DLG2: variants seen among roughly 807,000 people sequenced by gnomAD.
DLG2 encodes disks large homolog 2.
In DLG2, 45 loss-of-function variants were observed where a neutral mutation model predicts 132.5. That is an observed-to-expected ratio of 0.34 (90% CI 0.27 to 0.44). The LOEUF (loss-of-function observed/expected upper bound fraction) is 0.44, where lower values mean the gene tolerates loss of function less well. Among genes scored for constraint, DLG2 ranks in the 20% least tolerant of loss-of-function variants. The pLI is 1.00. For missense variants in DLG2, 1,045 were observed against 1,196.9 expected (o/e 0.87, Z 1.87); for synonymous variants, 424 against 419.6 (o/e 1.01, Z -0.13).
chr11:84,819,463 C>T (rs1007091688), intron 6 of DLG2, among the ~76,000 whole-genome samples: 12 of 151,828 alleles, frequency 7.9e-5, no homozygotes, highest in African/African-American at 2.7e-4. Context: ...GAGATTCTAA[C>T]ATCACTCTCT....
chr11:83,787,995 A>G (rs1387540257), intron 17 of DLG2, among the ~76,000 whole-genome samples: 3 of 152,338 alleles, frequency 2.0e-5, no homozygotes, highest in Admixed American at 6.5e-5. Context: ...TGATGAACAC[A>G]CAGTAAGTAT....
intron 3 of DLG2, among the ~76,000 whole-genome samples, chr11:85,531,668 C>T (rs1270378236): frequency 6.6e-6 from 1 of 152,010 alleles, no homozygotes; most frequent in Non-Finnish European, 1.5e-5. Flanking sequence ...GAGAAGTGGG[C>T]GTAGACACCT....
chr11:84,877,672 T>C (rs749088466), intron 6 of DLG2, among the ~76,000 whole-genome samples: 1 of 152,058 alleles, frequency 6.6e-6, no homozygotes, highest in Non-Finnish European at 1.5e-5. Context: ...CCATGTCTTT[T>C]AATGAGGGCA....
At chr11:84,262,701 C>T (rs1482672589) in intron 7 of DLG2, among the ~76,000 whole-genome samples, 1 of 152,044 alleles carries the variant, frequency 6.6e-6, no homozygotes, top group Non-Finnish European at 1.5e-5. Flanking sequence ...CCTCAAATCC[C>T]CAAAGTCCAC....
At chr11:84,915,759 G>A (rs1310693548) in intron 6 of DLG2, among the ~76,000 whole-genome samples, 3 of 152,180 alleles carry the variant, frequency 2.0e-5, no homozygotes, top group African/African-American at 7.2e-5. Flanking sequence ...AACACATCCA[G>A]TCCAAAGAGG....
intron 9 of DLG2, among the ~76,000 whole-genome samples, chr11:84,132,975 A>G (rs553205456): frequency 2.0e-5 from 3 of 152,192 alleles, no homozygotes; most frequent in Admixed American, 6.6e-5. Context: ...AACAACCAGA[A>G]TATCTTTAAA....
intron 14 of DLG2, among the ~76,000 whole-genome samples, chr11:83,958,145 C>A (rs937632718): frequency 6.6e-6 from 1 of 152,138 alleles, no homozygotes; most frequent in African/African-American, 2.4e-5. Context: ...TGAATATTCA[C>A]TGAATGAGCA....
At chr11:83,696,878 A>G (rs1428527964) in intron 18 of DLG2, among the ~76,000 whole-genome samples, 1 of 152,210 alleles carries the variant, frequency 6.6e-6, no homozygotes, top group Non-Finnish European at 1.5e-5. Flanking sequence ...GCCCAAGACA[A>G]AAGAGAATAT....
rs75391657 is a variant in DLG2, at chr11:84,005,257, T to A, written c.920-24615A>T. Among the ~76,000 whole-genome samples the A allele has an allele frequency of 5.9e-5, 9 of 151,980 alleles. No homozygotes were observed. In the East Asian group the frequency reaches 7.7e-4, roughly 13 times the overall value. On this transcript the variant is annotated intron_variant, in intron 11 of 27. Transcript: ENST00000376104. ...AAGAACATGTACTGGGGAAAGGACA[T>A]CCTTTTCAATAAGTGATCCTAGGAA...
intron 21 of DLG2, among the ~76,000 whole-genome samples, chr11:83,487,518 T>G (rs975982906): frequency 6.6e-6 from 1 of 152,084 alleles, no homozygotes; most frequent in African/African-American, 2.4e-5. Flanking sequence ...AGTCAGAAAT[T>G]GAATTTGCAA....
chr11:84,789,860 T>C (rs1470113664), intron 6 of DLG2, among the ~76,000 whole-genome samples: 1 of 152,158 alleles, frequency 6.6e-6, no homozygotes, highest in East Asian at 1.9e-4. Flanking sequence ...GCCTGGCCTA[T>C]TTCACTTAAT....
chr11:84,908,006 G>A (rs1012796471), intron 6 of DLG2, among the ~76,000 whole-genome samples: 1 of 152,072 alleles, frequency 6.6e-6, no homozygotes, highest in Non-Finnish European at 1.5e-5. Context: ...TCTTTCTCAA[G>A]ATAGGGAGGA....
chr11:85,064,946 G>A (rs1288176453), intron 6 of DLG2, among the ~76,000 whole-genome samples: 1 of 151,316 alleles, frequency 6.6e-6, no homozygotes, highest in Non-Finnish European at 1.5e-5. Context: ...GCACAAAGGT[G>A]AAAAATATTT....
intron 7 of DLG2, among the ~76,000 whole-genome samples, chr11:84,269,819 G>C (rs1007121529): frequency 9.2e-5 from 14 of 152,200 alleles, no homozygotes; most frequent in African/African-American, 3.4e-4. Flanking sequence ...ATGAAATCCA[G>C]ATATGATTGT....
intron 4 of DLG2, among the ~76,000 whole-genome samples, chr11:85,252,229 C>T (rs1458288236): frequency 6.6e-6 from 1 of 152,170 alleles, no homozygotes; most frequent in African/African-American, 2.4e-5. Context: ...GTAGGGACCA[C>T]TGAATCAACG....
At chr11:85,195,582 G>A (rs919875172) in intron 4 of DLG2, among the ~76,000 whole-genome samples, 2 of 148,268 alleles carry the variant, frequency 1.3e-5, no homozygotes, top group Non-Finnish European at 3.0e-5. Context: ...GGAGTGCAGT[G>A]GCGCAATCTC....
chr11:85,428,854 A>G (rs1190077456), intron 3 of DLG2, among the ~76,000 whole-genome samples: 5 of 152,136 alleles, frequency 3.3e-5, no homozygotes, highest in East Asian at 1.9e-4. Flanking sequence ...TTTTTTGAAA[A>G]GATCAACAAA....
intron 6 of DLG2, among the ~76,000 whole-genome samples, chr11:84,958,933 G>A (rs1422799135): frequency 2.0e-5 from 3 of 152,134 alleles, no homozygotes; most frequent in African/African-American, 7.2e-5. Flanking sequence ...AATAAACATA[G>A]GTTGAATTTC....
intron 8 of DLG2, chr11:84,166,720 C>T: frequency 6.1e-6 from 2 of 325,686 alleles, no homozygotes; most frequent in Non-Finnish European, 1.2e-5. Context: ...GTAATTCACC[C>T]CTAACCATAA....
Sources: gnomAD v4.1 joint callset for allele counts (sites outside exome capture counted in the v4.1 genomes callset) on GRCh38, gnomAD v4.1.1 for gene constraint, MANE v1.5 for transcripts, NCBI Gene and HGNC (gene_info 2026-07-23, HGNC 2026-07-21) for gene names.